The following PTPRN2 variants were observed in gnomAD, a reference collection of about 807,000 sequenced individuals.
PTPRN2 encodes receptor-type tyrosine-protein phosphatase N2.
Under a neutral mutation model 118.8 loss-of-function variants are expected in PTPRN2, and 74 were observed. The observed-to-expected ratio is 0.62, with a 90% CI of 0.52 to 0.76. The LOEUF (loss-of-function observed/expected upper bound fraction) is 0.76, where lower values mean the gene tolerates loss of function less well. Among genes scored for constraint, PTPRN2 ranks in the 30% least tolerant of loss-of-function variants. The pLI is 0.00. For missense variants in PTPRN2, 1,481 were observed against 1,394.4 expected, an observed-to-expected ratio of 1.06 and a Z score of -0.99; for synonymous variants, 641 against 608.0, an observed-to-expected ratio of 1.05 and a Z score of -0.80.
At position 157,682,770 on chromosome 7, in the gene PTPRN2, C is replaced by G. The variant is rs747494158; in HGVS notation, c.1956G>C (p.Ser652=). ...SSQHRLKEKL[S]GLGGDPGADA... ...CTGCACCTGGGTCGCCCCCTAGTCC[C>G]GAGAGCTTCTCCTTCAGCCTGTGCT... Residue 652 remains serine (S), a synonymous_variant, in exon 13 of 23, where the codon TCG becomes TCC. Transcript: ENST00000389418. 1.4e-5 allele frequency: 22 copies of G among 1,613,940 alleles called. No homozygotes were observed. Among genetic ancestry groups the G allele is most frequent in the African/African-American group, 2.7e-5 (2 of 74,940 alleles).
chr7:158,259,498 C>T (rs1333546095), intron 3 of PTPRN2, among the ~76,000 whole-genome samples: 2 of 152,194 alleles, frequency 1.3e-5, no homozygotes, highest in Admixed American at 6.5e-5. Context: ...CACCAAAGAC[C>T]GTCGGCACCA....
rs1226643013 is a variant in PTPRN2, at chr7:158,582,262, G to A, written c.112+5296C>T. ...TGTGGTGTGGAGGGTTATCTGCCATGAATTTAGCTGTTTGCTTTCTCTGAG... is the reference window on the plus strand; with the variant it reads ...TGTGGTGTGGAGGGTTATCTGCCATAAATTTAGCTGTTTGCTTTCTCTGAG... On this transcript the variant is annotated intron_variant, in intron 1 of 22. Transcript: ENST00000389418. Among the ~76,000 whole-genome samples the A allele has an allele frequency of 5.9e-5, 9 of 152,328 alleles. No homozygotes were observed. In the East Asian group the frequency reaches 1.3e-3, roughly 23 times the overall value.
intron 11 of PTPRN2, among the ~76,000 whole-genome samples, chr7:157,915,950 C>A (rs1395873081): frequency 6.6e-6 from 1 of 152,208 alleles, no homozygotes; most frequent in African/African-American, 2.4e-5. Flanking sequence ...TGCCCCGCCC[C>A]AGCTGCTTTG....
At chr7:157,759,227 C>G (rs749204329) in intron 12 of PTPRN2, among the ~76,000 whole-genome samples, 8 of 152,202 alleles carry the variant, frequency 5.3e-5, no homozygotes, top group Admixed American at 5.2e-4. Flanking sequence ...TACTTAGGTC[C>G]GAGCTAAGTT....
intron 9 of PTPRN2, among the ~76,000 whole-genome samples, chr7:158,118,861 C>A (rs528622379): frequency 1.3e-5 from 2 of 152,094 alleles, no homozygotes; most frequent in African/African-American, 4.8e-5. Context: ...TGCCAGCATG[C>A]CTTGCTAACT....
chr7:157,829,090 G>A (rs2082738), intron 12 of PTPRN2, among the ~76,000 whole-genome samples: 1 of 152,236 alleles, frequency 6.6e-6, no homozygotes, highest in East Asian at 1.9e-4. Context: ...GGGCGCAGCC[G>A]GGCGCGGGAT....
rs755437762 is a variant in PTPRN2, at chr7:158,054,016, CGCAGAGACTCCAGAGAT to C, written c.1723+27265_1723+27281del. ...CCCAGAGATGCAGAGACCCTAGAGA[CGCAGAGACTCCAGAGAT>C]GCAGAGACCCCAGAGATGCAGAGAT... On this transcript the variant is annotated intron_variant, in intron 11 of 22. Transcript: ENST00000389418. Among the ~76,000 whole-genome samples, 772 of 120,588 alleles carry C rather than the reference CGCAGAGACTCCAGAGAT, an allele frequency of 6.4e-3. 9 individuals are homozygous for C. The highest frequency in any genetic ancestry group is 9.6e-3 in the Non-Finnish European group (573 of 59,578). 79.1% of individuals were successfully genotyped at this position (120,588 alleles called of 152,430 possible). A position where few individuals can be genotyped will look rare whatever the true frequency, so the allele number is the denominator to read the frequency against.
chr7:157,893,452 T>G lies in PTPRN2; in HGVS notation c.1788+5221A>C, dbSNP rs2151309262. 6.6e-6 allele frequency among the ~76,000 whole-genome samples: 1 copy of G among 152,324 alleles called. No homozygotes were observed. The highest frequency in any genetic ancestry group is 3.4e-3 in the Middle Eastern group (1 of 294). ...ATCAGGAGTGGGCAGAGGCCAATTCTTTCCAGAGTTAAATAGTCCACTTCA... is the reference window on the plus strand; with the variant it reads ...ATCAGGAGTGGGCAGAGGCCAATTCGTTCCAGAGTTAAATAGTCCACTTCA... On this transcript the variant is annotated intron_variant, in intron 12 of 22. Coordinates refer to ENST00000389418, the MANE Select transcript of PTPRN2 (RefSeq NM_002847.5). This position sits in a 1 kb window ranked among gnomAD's most constrained non-coding sequence, Gnocchi z 4.0.
chr7:157,544,578 G>GCGTGGGGCCTCCCGTC (rs1798186464), intron 22 of PTPRN2, among the ~76,000 whole-genome samples: 1 of 152,240 alleles, frequency 6.6e-6, no homozygotes, highest in African/African-American at 2.4e-5. Flanking sequence ...AGTGAGGAGG[G>GCGTGGGGCCTCCCGTC]CATGGGGCTT....
In PTPRN2 at chr7:157,974,794, A is replaced by G. The variant is rs1802610642; in HGVS notation, c.1724-76057T>C. Reference sequence around the variant, plus strand: ...GGGCGGTGGGGGGTCTGGCAAGTGTAGACACAGGGCAGAAGTGGGCGCAGT... The same window carrying G: ...GGGCGGTGGGGGGTCTGGCAAGTGTGGACACAGGGCAGAAGTGGGCGCAGT... On this transcript the variant is annotated intron_variant, in intron 11 of 22. Coordinates refer to ENST00000389418, the MANE Select transcript of PTPRN2 (RefSeq NM_002847.5). This position sits in a 1 kb window ranked among gnomAD's most constrained non-coding sequence, Gnocchi z 4.0. 6.6e-6 allele frequency among the ~76,000 whole-genome samples: 1 copy of G among 151,914 alleles called. No individual in the cohort carries two copies. The highest frequency in any genetic ancestry group is 1.9e-4 in the East Asian group (1 of 5,166).
chr7:158,322,403 C>G (rs766257864), intron 2 of PTPRN2, among the ~76,000 whole-genome samples: 1 of 152,246 alleles, frequency 6.6e-6, no homozygotes, highest in Non-Finnish European at 1.5e-5. Flanking sequence ...GGTCAGAGAA[C>G]GAACAGCGGC....
chr7:158,431,903 G>C (rs183134075), intron 2 of PTPRN2, among the ~76,000 whole-genome samples: 1 of 152,276 alleles, frequency 6.6e-6, no homozygotes, highest in Admixed American at 6.5e-5. Flanking sequence ...TCCGGGACCT[G>C]CTCGTCCCTC....
Position 158,544,363 on chromosome 7 carries a change from C to T in PTPRN2, c.112+43195G>A, listed in dbSNP as rs1826161736. On this transcript the variant is annotated intron_variant, in intron 1 of 22. Transcript: ENST00000389418. The surrounding 1 kb of genome is among the most constrained non-coding windows in gnomAD (Gnocchi z 4.2). ...CATTATGAGATTTTTTGGCCGGGTGCGGTGGCTCATGCCTGTAATCCCAGC... is the reference window on the plus strand; with the variant it reads ...CATTATGAGATTTTTTGGCCGGGTGTGGTGGCTCATGCCTGTAATCCCAGC... Among the ~76,000 whole-genome samples the T allele has an allele frequency of 6.6e-6, 1 of 151,974 alleles. No homozygotes were observed. The highest frequency in any genetic ancestry group is 1.5e-5 in the Non-Finnish European group (1 of 67,986).
rs1000877339 is a variant in PTPRN2 at position 157,953,844 on chromosome 7, T to C, written c.1724-55107A>G. On this transcript the variant is annotated intron_variant, in intron 11 of 22. Transcript: ENST00000389418. This position sits in a 1 kb window ranked among gnomAD's most constrained non-coding sequence, Gnocchi z 4.6. ...GGGCATAAGAGCGGTGCTGGAGAAA[T>C]GTAAGCAAATCCGCATTTCGAAGCA... Among the ~76,000 whole-genome samples, 1 of 151,806 alleles carries C rather than the reference T, an allele frequency of 6.6e-6. No individual in the cohort carries two copies. Among genetic ancestry groups the C allele is most frequent in the African/African-American group, 2.4e-5 (1 of 41,294 alleles).
intron 2 of PTPRN2, among the ~76,000 whole-genome samples, chr7:158,382,728 A>G (rs1811057795): frequency 6.6e-6 from 1 of 152,204 alleles, no homozygotes; most frequent in Admixed American, 6.5e-5. Context: ...CTAATGCCTC[A>G]TGATCCAAGG....
rs541294058 is a variant in PTPRN2, at chr7:158,503,689, AC to A, written c.113-13905del. On this transcript the variant is annotated intron_variant, in intron 1 of 22. Coordinates refer to ENST00000389418, the MANE Select transcript of PTPRN2 (RefSeq NM_002847.5). ...TGGACAAATCACTCACTCTGTCTGC[AC>A]CTGTTCACTTGAAACATTATTGGGA... Among the ~76,000 whole-genome samples, 124 of 152,326 alleles carry A rather than the reference AC, an allele frequency of 8.1e-4. 2 individuals are homozygous for A. The South Asian group carries it at 0.011, about 13-fold the overall frequency.
At chr7:158,430,198 G>A (rs780067737) in intron 2 of PTPRN2, among the ~76,000 whole-genome samples, 1 of 152,150 alleles carries the variant, frequency 6.6e-6, no homozygotes, top group Non-Finnish European at 1.5e-5. Flanking sequence ...GAGCCACCAC[G>A]CCCAGCTGGG....
intron 12 of PTPRN2, among the ~76,000 whole-genome samples, chr7:157,736,291 T>C (rs1408951742): frequency 1.3e-5 from 2 of 152,222 alleles, no homozygotes; most frequent in Admixed American, 6.5e-5. Flanking sequence ...GAGGTTGTTA[T>C]AGGCTGAATT....
intron 12 of PTPRN2, among the ~76,000 whole-genome samples, chr7:157,843,189 C>G (rs1348876207): frequency 6.6e-6 from 1 of 152,210 alleles, no homozygotes; most frequent in Admixed American, 6.5e-5. Context: ...GTGAGAACCC[C>G]TGCTAGGTGA....
Sources: allele counts gnomAD v4.1 joint callset (sites outside exome capture counted in the v4.1 genomes callset), GRCh38; gene constraint gnomAD v4.1.1; non-coding constraint Gnocchi (gnomAD v3.1); transcripts MANE v1.5; gene names NCBI Gene and HGNC (gene_info 2026-07-23, HGNC 2026-07-21).